WAC: variants seen among roughly 807,000 people sequenced by gnomAD.
The protein encoded by WAC is WW domain containing adaptor with coiled-coil.
In WAC, 11 loss-of-function variants were observed where a neutral mutation model predicts 79.6. The observed-to-expected ratio is 0.14, with a 90% confidence interval of 0.09 to 0.23. The LOEUF (loss-of-function observed/expected upper bound fraction) is 0.23. WAC is among the 10% of genes least tolerant of loss of function. The pLI is 1.00. For synonymous variants in WAC, 304 were observed against 276.9 expected (o/e 1.10, Z -0.97); for missense variants, 728 against 773.5 (o/e 0.94, Z 0.70).
intron 3 of WAC, among the ~76,000 whole-genome samples, chr10:28,582,815 A>G (rs1404577368): frequency 1.3e-5 from 2 of 152,318 alleles, no homozygotes; most frequent in African/African-American, 2.4e-5. Flanking sequence ...CAATTTTTAG[A>G]TAGAGTTGGA....
In WAC at chr10:28,587,074, C is replaced by G. The variant is rs572361394; in HGVS notation, c.382-2662C>G. 8.6e-5 allele frequency among the ~76,000 whole-genome samples: 13 copies of G among 152,022 alleles called. No individual in the cohort carries two copies. In the South Asian group the frequency reaches 2.7e-3, roughly 32 times the overall value. Reference sequence around the variant, plus strand: ...CCCAGGAGTTGGAAACCAGCCTGGGCAGTATAACAAGACCTCATCTCGGGG... The same window carrying G: ...CCCAGGAGTTGGAAACCAGCCTGGGGAGTATAACAAGACCTCATCTCGGGG... On this transcript the variant is annotated intron_variant, in intron 4 of 13. Transcript: ENST00000354911.
intron 4 of WAC, among the ~76,000 whole-genome samples, chr10:28,587,870 C>T (rs895885877): frequency 1.3e-5 from 2 of 151,618 alleles, no homozygotes; most frequent in Middle Eastern, 3.2e-3. Flanking sequence ...ACTTTCTGTC[C>T]TGGAGGTTGT....
At chr10:28,566,250 A>T (rs1838600283) in intron 3 of WAC, among the ~76,000 whole-genome samples, 1 of 152,102 alleles carries the variant, frequency 6.6e-6, no homozygotes, top group South Asian at 2.1e-4. Context: ...TTAAGTGAGT[A>T]TTGTGTGTGC....
At chr10:28,541,432 T>G (rs898227797) in intron 3 of WAC, among the ~76,000 whole-genome samples, 27 of 141,456 alleles carry the variant, frequency 1.9e-4, no homozygotes, top group African/African-American at 5.7e-4. Flanking sequence ...TTTTTTTTTT[T>G]TTTTTTTTTT....
At chr10:28,586,797 A>C (rs1485315215) in intron 4 of WAC, among the ~76,000 whole-genome samples, 2 of 152,178 alleles carry the variant, frequency 1.3e-5, no homozygotes, top group Admixed American at 1.3e-4. Flanking sequence ...AATTAGGAAA[A>C]AAATGTTGCT....
chr10:28,569,224 A>G (rs1838812659), intron 3 of WAC, among the ~76,000 whole-genome samples: 1 of 152,234 alleles, frequency 6.6e-6, no homozygotes, highest in Non-Finnish European at 1.5e-5. Flanking sequence ...ATCAGATAAA[A>G]TAGTACTGCA....
chr10:28,592,642 T>C (rs193102726), intron 6 of WAC, among the ~76,000 whole-genome samples: 1 of 151,918 alleles, frequency 6.6e-6, no homozygotes, highest in Admixed American at 6.6e-5. Context: ...AAAAAGAAAA[T>C]GAGTGATGAG....
chr10:28,555,831 C>A (rs1024772131), intron 3 of WAC, among the ~76,000 whole-genome samples: 6 of 152,166 alleles, frequency 3.9e-5, no homozygotes, highest in Non-Finnish European at 7.3e-5. Context: ...CACTTGACCT[C>A]TTGCCATGTG....
chr10:28,592,987 A>C (rs1251562404), intron 6 of WAC, among the ~76,000 whole-genome samples: 1 of 152,130 alleles, frequency 6.6e-6, no homozygotes, highest in Admixed American at 6.5e-5. Context: ...AATACTTGGG[A>C]GGTTTTCAGC....
intron 6 of WAC, 40 bp downstream of exon 6, chr10:28,590,872 T>G: frequency 5.6e-6 from 8 of 1,427,472 alleles, no homozygotes; most frequent in Non-Finnish European, 6.8e-6. Flanking sequence ...TATGTTTGAC[T>G]TATTCGTATT....
chr10:28,550,113 G>A (rs1234095870), intron 3 of WAC, among the ~76,000 whole-genome samples: 3 of 150,750 alleles, frequency 2.0e-5, no homozygotes, highest in African/African-American at 7.4e-5. Flanking sequence ...AGGTCGCGGT[G>A]AGCGGAGATC....
intron 3 of WAC, among the ~76,000 whole-genome samples, chr10:28,579,798 A>C (rs1839442753): frequency 6.6e-6 from 1 of 152,162 alleles, no homozygotes; most frequent in African/African-American, 2.4e-5. Flanking sequence ...ATATAAGCTG[A>C]AGCTTTTATT....
At position 28,612,180 on chromosome 10, in the gene WAC, A is replaced by C. The variant is rs138866619; in HGVS notation, c.1437+258A>C. On this transcript the variant is annotated intron_variant, in intron 10 of 13. Transcript: ENST00000354911. ...TGGGATTTGTCACATGGAGAGTGAG[A>C]TAAAGAGGATATACTGAGTCTTAAT... Among the ~76,000 whole-genome samples, 19 of 152,358 alleles carry C rather than the reference A, an allele frequency of 1.2e-4. 1 individual carries two copies. The East Asian group carries it at 3.7e-3, about 29-fold the overall frequency.
At chr10:28,585,251 A>G (rs928499242) in intron 4 of WAC, among the ~76,000 whole-genome samples, 2 of 152,124 alleles carry the variant, frequency 1.3e-5, no homozygotes, top group African/African-American at 2.4e-5. Context: ...GAGGAGCCCC[A>G]CAGAGCTGGT....
At chr10:28,552,850 T>A (rs1029383172) in intron 3 of WAC, among the ~76,000 whole-genome samples, 1 of 145,548 alleles carries the variant, frequency 6.9e-6, no homozygotes, top group Non-Finnish European at 1.5e-5. Context: ...GGCTGCTTTT[T>A]TTTTTTTTTT....
At chr10:28,594,977 G>A (rs1840277092) in intron 6 of WAC, among the ~76,000 whole-genome samples, 1 of 152,164 alleles carries the variant, frequency 6.6e-6, no homozygotes, top group Admixed American at 6.5e-5. Context: ...TGAGCTTAAA[G>A]TATTTTTGTG....
intron 3 of WAC, among the ~76,000 whole-genome samples, chr10:28,542,437 A>G (rs968456963): frequency 6.6e-6 from 1 of 152,246 alleles, no homozygotes; most frequent in Non-Finnish European, 1.5e-5. Context: ...AACCAAAAAC[A>G]TTGTCAGTGA....
chr10:28,538,880 A>AG (rs1408639279), intron 3 of WAC, among the ~76,000 whole-genome samples: 31 of 151,522 alleles, frequency 2.0e-4, no homozygotes, highest in African/African-American at 7.2e-4. Context: ...AAAAAAAAAA[A>AG]AAAAGAAAAA....
intron 5 of WAC, among the ~76,000 whole-genome samples, chr10:28,590,311 C>CAAAAAAAAAAAAAAAAAA (rs34562281): frequency 9.7e-6 from 1 of 103,384 alleles, no homozygotes; most frequent in Non-Finnish European, 1.9e-5. Flanking sequence ...GATGCTATCT[C>CAAAAAAAAAAAAAAAAAA]AAAAAAAAAA....
Sources: allele counts gnomAD v4.1 joint callset (sites outside exome capture counted in the v4.1 genomes callset), GRCh38; gene constraint gnomAD v4.1.1; transcripts MANE v1.5; gene names NCBI Gene and HGNC (gene_info 2026-07-23, HGNC 2026-07-21).